Variants in RAB10 observed in about 807,000 individuals in gnomAD.
RAB10 encodes ras-related protein Rab-10.
Under a neutral mutation model 25.7 loss-of-function variants are expected in RAB10, and 5 were observed. The ratio of observed to expected loss-of-function variants is 0.19; its 90% CI spans 0.10 to 0.41. The LOEUF is 0.41. Among genes scored for constraint, RAB10 ranks in the 10% least tolerant of loss-of-function variants. RAB10 has a pLI of 1.00. For missense variants in RAB10, 103 were observed against 245.8 expected, an observed-to-expected ratio of 0.42 and a Z score of 3.89; for synonymous variants, 89 against 86.4, an observed-to-expected ratio of 1.03 and a Z score of -0.16.
intron 1 of RAB10, among the ~76,000 whole-genome samples, chr2:26,077,661 A>G (rs1666766692): frequency 6.6e-6 from 1 of 152,182 alleles, no homozygotes; most frequent in African/African-American, 2.4e-5. Flanking sequence ...GAACTTCAGA[A>G]TAGAATTGCT....
intron 3 of RAB10, among the ~76,000 whole-genome samples, chr2:26,111,832 T>G (rs527777340): frequency 6.6e-6 from 1 of 152,198 alleles, no homozygotes; most frequent in South Asian, 2.1e-4. Flanking sequence ...ACTCCACAAG[T>G]TTAAGGACTC....
At chr2:26,117,027 TAAG>T (rs1319035008) in intron 3 of RAB10, among the ~76,000 whole-genome samples, 2 of 152,184 alleles carry the variant, frequency 1.3e-5, no homozygotes, top group African/African-American at 2.4e-5. Flanking sequence ...GGAATAGAGA[TAAG>T]AAGAATTTAT....
intron 1 of RAB10, among the ~76,000 whole-genome samples, chr2:26,073,451 A>G (rs965237347): frequency 2.6e-5 from 4 of 152,200 alleles, no homozygotes; most frequent in African/African-American, 7.2e-5. Flanking sequence ...TGTGTTGCCT[A>G]TGAGCTCAAG....
chr2:26,051,954 GGCTGAGTCAGGAGAATCACTTGA>G (rs1666144879), intron 1 of RAB10, among the ~76,000 whole-genome samples: 1 of 151,786 alleles, frequency 6.6e-6, no homozygotes, highest in African/African-American at 2.4e-5. Flanking sequence ...CTACTCAGGA[GGCTGAGTCAGGAGAATCACTTGA>G]ACCCGGGAGG....
At chr2:26,060,555 T>C (rs112043221) in intron 1 of RAB10, among the ~76,000 whole-genome samples, 232 of 152,348 alleles carry the variant, frequency 1.5e-3, no homozygotes, top group African/African-American at 5.4e-3. Context: ...CCCAAAGTGC[T>C]GGGATTATAG....
At chr2:26,040,290 T>C (rs1428710196) in intron 1 of RAB10, among the ~76,000 whole-genome samples, 1 of 152,194 alleles carries the variant, frequency 6.6e-6, no homozygotes, top group Non-Finnish European at 1.5e-5. Context: ...TAGCTGGGAC[T>C]ACAGGCGAGC....
intron 3 of RAB10, among the ~76,000 whole-genome samples, chr2:26,117,398 G>C (rs1667712548): frequency 6.6e-6 from 1 of 152,146 alleles, no homozygotes; most frequent in South Asian, 2.1e-4. Context: ...CGGATCACCA[G>C]GTCAGAAGAT....
At chr2:26,110,966 G>A (rs1667557211) in intron 3 of RAB10, among the ~76,000 whole-genome samples, 1 of 152,154 alleles carries the variant, frequency 6.6e-6, no homozygotes, top group Non-Finnish European at 1.5e-5. Flanking sequence ...TTGGCCTCCT[G>A]AAGTGCTAGG....
chr2:26,051,524 G>C (rs1574528238), intron 1 of RAB10, among the ~76,000 whole-genome samples: 1 of 151,196 alleles, frequency 6.6e-6, no homozygotes, highest in Admixed American at 6.6e-5. Flanking sequence ...AAGGTGGGTG[G>C]ATCACGAACG....
chr2:26,061,005 T>C (rs1040908776), intron 1 of RAB10, among the ~76,000 whole-genome samples: 11 of 150,722 alleles, frequency 7.3e-5, no homozygotes, highest in African/African-American at 2.4e-4. Context: ...AGTTTCTTTA[T>C]ATAAAATAAC....
Position 26,055,894 on chromosome 2 carries a change from CT to C in RAB10, c.127+21167del, listed in dbSNP as rs201700644. 4.6e-4 allele frequency among the ~76,000 whole-genome samples: 66 copies of C among 142,244 alleles called. 2 individuals are homozygous for C. In the South Asian group the frequency reaches 0.013, roughly 29 times the overall value. The allele number at this position is 142,244 out of a possible 152,430, so 93.3% of individuals were successfully genotyped here. On this transcript the variant is annotated intron_variant, in intron 1 of 5. Transcript: ENST00000264710. ...GATGTACCTCCAGAAAGATGTAGAACTTTTTTTTCTTTTTTTTTTGAGACAG... is the reference window on the plus strand; with the variant it reads ...GATGTACCTCCAGAAAGATGTAGAACTTTTTTTCTTTTTTTTTTGAGACAG...
At chr2:26,099,102 C>A (rs937793139) in intron 2 of RAB10, among the ~76,000 whole-genome samples, 1 of 152,002 alleles carries the variant, frequency 6.6e-6, no homozygotes, top group African/African-American at 2.4e-5. Flanking sequence ...TTTTTATGGG[C>A]ATTATTTTTA....
intron 5 of RAB10, 98 bp from the exon 6 acceptor site, chr2:26,134,840 T>C: frequency 1.1e-6 from 1 of 909,144 alleles, no homozygotes; most frequent in Non-Finnish European, 1.7e-6. Flanking sequence ...TAGTTGTATT[T>C]TGTTGTATAA....
intron 1 of RAB10, among the ~76,000 whole-genome samples, chr2:26,045,599 T>TA (rs1335165081): frequency 6.6e-6 from 1 of 152,012 alleles, no homozygotes; most frequent in Non-Finnish European, 1.5e-5. Context: ...AACGAAGGAG[T>TA]AGGAGCTTGT....
At chr2:26,058,103 C>T (rs1666305276) in intron 1 of RAB10, among the ~76,000 whole-genome samples, 1 of 152,146 alleles carries the variant, frequency 6.6e-6, no homozygotes, top group Non-Finnish European at 1.5e-5. Context: ...TCCTTGATGC[C>T]TCCTTCACTG....
At chr2:26,107,177 C>T (rs746285536) in intron 2 of RAB10, among the ~76,000 whole-genome samples, 9 of 140,142 alleles carry the variant, frequency 6.4e-5, no homozygotes, top group Admixed American at 1.5e-4. Flanking sequence ...ACCTGGGAGG[C>T]GGAGGTTGCA....
chr2:26,085,180 C>A (rs1666949001), intron 1 of RAB10, among the ~76,000 whole-genome samples: 1 of 152,054 alleles, frequency 6.6e-6, no homozygotes, highest in South Asian at 2.1e-4. Context: ...TCTTGTGCAT[C>A]AAAGGGCATA....
Position 26,109,915 on chromosome 2 carries a change from T to C in RAB10, c.327+9T>C. The C allele has an allele frequency of 6.3e-7, 1 of 1,590,704 alleles. No individual in the cohort carries two copies. Among genetic ancestry groups the C allele is most frequent in the East Asian group, 2.3e-5 (1 of 43,898 alleles). On this transcript the variant is annotated intron_variant, in intron 3 of 5. Transcript: ENST00000264710. ...TTAGAAACATAGATGAGGTAAGACC[T>C]AGAACTTGTATAAACCCTTCATGAA...
At chr2:26,088,513 G>A (rs979949191) in intron 1 of RAB10, among the ~76,000 whole-genome samples, 1 of 152,184 alleles carries the variant, frequency 6.6e-6, no homozygotes, top group African/African-American at 2.4e-5. Context: ...TCAGAGGGTG[G>A]TAGGCTTTTC....
Sources: allele counts gnomAD v4.1 joint callset (sites outside exome capture counted in the v4.1 genomes callset), GRCh38; gene constraint gnomAD v4.1.1; transcripts MANE v1.5; gene names NCBI Gene and HGNC (gene_info 2026-07-23, HGNC 2026-07-21).